Variants in ENPP3 observed in about 807,000 individuals in gnomAD.
ENPP3 encodes the protein ectonucleotide pyrophosphatase/phosphodiesterase 3.
A neutral mutation model predicts 117.8 loss-of-function variants in ENPP3; 104 were observed. The observed-to-expected ratio is 0.88, with a 90% confidence interval of 0.75 to 1.04. ENPP3 has a LOEUF of 1.04. Ranked by LOEUF, ENPP3 falls within the 50% of genes least tolerant of loss-of-function variation. ENPP3 has a pLI of 0.00. For synonymous variants in ENPP3, 380 were observed against 349.9 expected (o/e 1.09, Z -0.96); for missense variants, 1,026 against 1,051.9 (o/e 0.98, Z 0.34).
intron 20 of ENPP3, among the ~76,000 whole-genome samples, chr6:131,729,847 C>T (rs554402793): frequency 8.6e-5 from 13 of 151,974 alleles, no homozygotes; most frequent in Admixed American, 1.3e-4. Flanking sequence ...TCAAGATTTT[C>T]GGTTAGCAGA....
At position 131,639,265 on chromosome 6, in the gene ENPP3, A is replaced by ATATATT. The variant is rs371737976; in HGVS notation, c.78+1804_78+1805insATATTT. Among the ~76,000 whole-genome samples the ATATATT allele has an allele frequency of 7.4e-3, 789 of 107,152 alleles. 7 individuals carry two copies. Among genetic ancestry groups the ATATATT allele is most frequent in the East Asian group, 0.015 (51 of 3,406 alleles). The allele number at this position is 107,152 out of a possible 152,430, so 70.3% of individuals were successfully genotyped here. ...TATGCTAATATATATATATATATATATTTTTTTTTTTTTCTCTCTCTCTTT... is the reference window on the plus strand; with the variant it reads ...TATGCTAATATATATATATATATATATATATTTTTTTTTTTTTTTCTCTCTCTCTTT... On this transcript the variant is annotated intron_variant, in intron 1 of 24. Transcript: ENST00000357639.
chr6:131,745,047 A>G (rs1780605883), intron 24 of ENPP3, among the ~76,000 whole-genome samples: 1 of 152,288 alleles, frequency 6.6e-6, no homozygotes, highest in South Asian at 2.1e-4. Flanking sequence ...TGCAAATTTA[A>G]AAAAGGGAAG....
In ENPP3 at chr6:131,678,907, CTCTTTCTTTCTT is replaced by C. The variant is rs60304793; in HGVS notation, c.1011+1010_1011+1021del. ...CCTTCTTTTCCCTTTCTTTCTTTCT[CTCTTTCTTTCTT>C]TCTTTCTTTCTTTCTTTCTTTCTTT... On this transcript the variant is annotated intron_variant, in intron 11 of 24. Coordinates refer to ENST00000357639, the MANE Select transcript of ENPP3 (RefSeq NM_005021.5). 8.9e-4 allele frequency among the ~76,000 whole-genome samples: 64 copies of C among 71,768 alleles called. 1 individual carries two copies. The highest frequency in any genetic ancestry group is 2.9e-3 in the African/African-American group (56 of 19,484). The allele number at this position is 71,768 out of a possible 152,430, so 47.1% of individuals were successfully genotyped here. A position where few individuals can be genotyped will look rare whatever the true frequency, so the allele number is the denominator to read the frequency against.
At chr6:131,697,538 G>A (rs1009965998) in intron 15 of ENPP3, among the ~76,000 whole-genome samples, 6 of 151,668 alleles carry the variant, frequency 4.0e-5, no homozygotes, top group South Asian at 2.1e-4. Context: ...TATACAACTC[G>A]TTATACTGTA....
chr6:131,722,876 G>A (rs1368368720), intron 18 of ENPP3, among the ~76,000 whole-genome samples: 1 of 152,198 alleles, frequency 6.6e-6, no homozygotes, highest in Non-Finnish European at 1.5e-5. Context: ...CTGGCTGACA[G>A]TTGACACTGG....
Position 131,675,119 on chromosome 6 carries a change from A to G in ENPP3, c.802A>G (p.Thr268Ala), listed in dbSNP as rs1442092506. ...TAMYQGLKAA[T>A]YFWPGSEVAI... ...AATGTATCAAGGTTTAAAAGCCGCT[A>G]CCTACTTTTGGCCCGGATCAGAAGT... Residue 268 changes from threonine to alanine, a missense_variant, in exon 9 of 25, where the codon ACC (threonine) becomes GCC (alanine). By Grantham distance (58) the Thr-to-Ala change is moderately conservative. Coordinates refer to ENST00000357639, the MANE Select transcript of ENPP3 (RefSeq NM_005021.5). 2 of 1,613,842 alleles carry G rather than the reference A, an allele frequency of 1.2e-6. No homozygotes were observed. The highest frequency in any genetic ancestry group is 4.5e-5 in the East Asian group (2 of 44,854).
intron 23 of ENPP3, 120 bp from the exon 24 acceptor site, chr6:131,740,104 C>A: frequency 1.3e-6 from 1 of 756,414 alleles, no homozygotes; most frequent in Non-Finnish European, 1.9e-6. Context: ...TGCTGTCAAA[C>A]TTAGAATTAT....
At chr6:131,695,095 C>CTG (rs767368220) in intron 15 of ENPP3, among the ~76,000 whole-genome samples, 61 of 151,566 alleles carry the variant, frequency 4.0e-4, no homozygotes, top group Non-Finnish European at 4.0e-4. Context: ...GGTGGCTGTA[C>CTG]TGTGGCTCAG....
chr6:131,734,272 TTTG>T lies in ENPP3; in HGVS notation c.2089+570_2089+572del, dbSNP rs956264655. On this transcript the variant is annotated intron_variant, in intron 21 of 24. Coordinates refer to ENST00000357639, the MANE Select transcript of ENPP3 (RefSeq NM_005021.5). Reference sequence around the variant, plus strand: ...GAAGTAGCCAAATGAAATTTAAGTTTTTGTTGTTGTTGTTGTTGTTGTTTTCAG... The same window carrying T: ...GAAGTAGCCAAATGAAATTTAAGTTTTTGTTGTTGTTGTTGTTGTTTTCAG... 2.0e-4 allele frequency among the ~76,000 whole-genome samples: 30 copies of T among 152,142 alleles called. No individual in the cohort carries two copies. In the South Asian group the frequency reaches 3.5e-3, roughly 18 times the overall value.
At chr6:131,654,111 TA>T (rs1469194279) in intron 5 of ENPP3, among the ~76,000 whole-genome samples, 3 of 73,730 alleles carry the variant, frequency 4.1e-5, no homozygotes, top group Admixed American at 1.4e-4. Flanking sequence ...ATTTAAGTTT[TA>T]TTATTATTAT....
At chr6:131,741,315 A>T (rs576465585) in intron 24 of ENPP3, among the ~76,000 whole-genome samples, 1 of 152,198 alleles carries the variant, frequency 6.6e-6, no homozygotes, top group African/African-American at 2.4e-5. Context: ...GCTTTTAAAG[A>T]GTTCATATAC....
chr6:131,664,354 A>G (rs1778571054), intron 6 of ENPP3, among the ~76,000 whole-genome samples: 1 of 152,230 alleles, frequency 6.6e-6, no homozygotes, highest in Non-Finnish European at 1.5e-5. Flanking sequence ...GAATAAAGAT[A>G]TAAAGAAAAT....
chr6:131,651,598 G>C (rs527410614), intron 3 of ENPP3, among the ~76,000 whole-genome samples: 1 of 152,206 alleles, frequency 6.6e-6, no homozygotes, highest in Non-Finnish European at 1.5e-5. Context: ...CTTGAGAAAT[G>C]CTGTTCTCTA....
rs1327100630 is a variant in ENPP3 at position 131,737,269 on chromosome 6, T to C, written c.2090-86T>C. On this transcript the variant is annotated intron_variant, in intron 21 of 24. Transcript: ENST00000357639. ...TGCTTTGACTGTTAATAAATTTATA[T>C]TAATATGTAATAGTAGTATGCCTGT... 1.1e-5 allele frequency: 8 copies of C among 756,022 alleles called. 1 individual carries two copies. In the South Asian group the frequency reaches 1.1e-4, roughly 10 times the overall value. 46.8% of individuals were successfully genotyped at this position (756,022 alleles called of 1,614,324 possible).
At chr6:131,646,203 A>G (rs981709524) in intron 2 of ENPP3, among the ~76,000 whole-genome samples, 1 of 151,880 alleles carries the variant, frequency 6.6e-6, no homozygotes, top group Non-Finnish European at 1.5e-5. Context: ...GGGGTCTTTT[A>G]AAAAAATTAT....
rs1778459590 is a variant in ENPP3 at position 131,659,729 on chromosome 6, G to A, written c.562+1309G>A. On this transcript the variant is annotated intron_variant, in intron 6 of 24. Transcript: ENST00000357639. ...GAGGCAGATCTTTAGCAAAGAGACTGTTTTCCAAATCCAGGACCTGTCATT... is the reference window on the plus strand; with the variant it reads ...GAGGCAGATCTTTAGCAAAGAGACTATTTTCCAAATCCAGGACCTGTCATT... 2.6e-5 allele frequency among the ~76,000 whole-genome samples: 4 copies of A among 152,298 alleles called. No individual in the cohort carries two copies. In the South Asian group the frequency reaches 8.3e-4, roughly 32 times the overall value.
intron 15 of ENPP3, among the ~76,000 whole-genome samples, chr6:131,694,168 T>C (rs1779350531): frequency 6.6e-6 from 1 of 152,228 alleles, no homozygotes; most frequent in South Asian, 2.1e-4. Context: ...ACTTTGTGCA[T>C]GCTATTTAGC....
chr6:131,694,252 T>C (rs1354303019), intron 15 of ENPP3, among the ~76,000 whole-genome samples: 1 of 152,212 alleles, frequency 6.6e-6, no homozygotes, highest in African/African-American at 2.4e-5. Context: ...AATCCATTGA[T>C]TCAACGTTTT....
At chr6:131,657,369 T>C (rs976638632) in intron 5 of ENPP3, among the ~76,000 whole-genome samples, 4 of 152,210 alleles carry the variant, frequency 2.6e-5, no homozygotes, top group African/African-American at 9.7e-5. Flanking sequence ...ACTGTTCTGA[T>C]TTCTATCATC....
Sources: gnomAD v4.1 joint callset for allele counts (sites outside exome capture counted in the v4.1 genomes callset) on GRCh38, gnomAD v4.1.1 for gene constraint, MANE v1.5 for transcripts, NCBI Gene and HGNC (gene_info 2026-07-23, HGNC 2026-07-21) for gene names.